Variants in LRFN5 observed in about 807,000 individuals in gnomAD.
LRFN5 encodes leucine-rich repeat and fibronectin type-III domain-containing protein 5.
In LRFN5, 24 loss-of-function variants were observed where a neutral mutation model predicts 45.6. That is an observed-to-expected ratio of 0.53 (90% confidence interval 0.38 to 0.74). LRFN5 has a LOEUF of 0.74. Ranked by LOEUF, LRFN5 falls within the 30% of genes least tolerant of loss-of-function variation. The probability of loss-of-function intolerance (pLI) is 0.00; values close to 1 mark genes in which losing one functional copy is unlikely to be tolerated. For missense variants in LRFN5, 776 were observed against 861.5 expected (o/e 0.90, Z 1.24); for synonymous variants, 340 against 313.8 (o/e 1.08, Z -0.88).
At chr14:41,631,910 G>C (rs77515601) in intron 1 of LRFN5, among the ~76,000 whole-genome samples, 1 of 152,200 alleles carries the variant, frequency 6.6e-6, no homozygotes, top group African/African-American at 2.4e-5. Context: ...CATTATGAAA[G>C]AGATGAGAAG....
intron 1 of LRFN5, among the ~76,000 whole-genome samples, chr14:41,754,225 C>CA (rs1885270881): frequency 6.6e-6 from 1 of 151,944 alleles, no homozygotes; most frequent in African/African-American, 2.4e-5. Context: ...CTAAAATTCT[C>CA]TTTTTTTGTT....
chr14:41,618,713 C>T (rs1239630528), intron 1 of LRFN5, among the ~76,000 whole-genome samples: 1 of 152,162 alleles, frequency 6.6e-6, no homozygotes, highest in Non-Finnish European at 1.5e-5. Context: ...AACTGAGACA[C>T]CTGTCTTAGG....
At chr14:41,851,701 G>A (rs1594465309) in intron 2 of LRFN5, among the ~76,000 whole-genome samples, 1 of 151,854 alleles carries the variant, frequency 6.6e-6, no homozygotes, top group East Asian at 1.9e-4. Flanking sequence ...TAAACAGGTT[G>A]GGTGGCTTAA....
intron 2 of LRFN5, among the ~76,000 whole-genome samples, chr14:41,834,369 GT>G (rs1049030544): frequency 6.6e-6 from 1 of 151,906 alleles, no homozygotes; most frequent in Non-Finnish European, 1.5e-5. Context: ...ATTTCATTTG[GT>G]TTTTTAGAGC....
At chr14:41,629,048 A>G (rs1269250331) in intron 1 of LRFN5, among the ~76,000 whole-genome samples, 2 of 152,166 alleles carry the variant, frequency 1.3e-5, no homozygotes, top group African/African-American at 4.8e-5. Context: ...ATATTTGTAG[A>G]TATTTATAGA....
chr14:41,677,260 CCACCTG>C (rs1247430279), intron 1 of LRFN5, among the ~76,000 whole-genome samples: 1 of 152,184 alleles, frequency 6.6e-6, no homozygotes, highest in East Asian at 1.9e-4. Context: ...ACAACAGCTA[CCACCTG>C]CAGGGGATGA....
rs145460468 is a variant in LRFN5, at chr14:41,768,264, A to G, written c.-21+1235A>G. On this transcript the variant is annotated intron_variant, in intron 2 of 5. Transcript: ENST00000298119. Reference sequence around the variant, plus strand: ...ATAACATTTAAAATAGGCAGCCAGTATGTTGTTGCTAGTATGCTCAAGGTG... The same window carrying G: ...ATAACATTTAAAATAGGCAGCCAGTGTGTTGTTGCTAGTATGCTCAAGGTG... Among the ~76,000 whole-genome samples the G allele has an allele frequency of 1.1e-3, 163 of 152,322 alleles. 1 individual carries two copies. The East Asian group carries it at 0.027, about 25-fold the overall frequency.
chr14:41,618,077 T>G (rs1887984450), intron 1 of LRFN5, among the ~76,000 whole-genome samples: 2 of 152,264 alleles, frequency 1.3e-5, no homozygotes, highest in African/African-American at 4.8e-5. Context: ...GACAAACTCA[T>G]TTTCTCATCT....
chr14:41,832,273 G>A (rs1377557650), intron 2 of LRFN5, among the ~76,000 whole-genome samples: 4 of 151,970 alleles, frequency 2.6e-5, no homozygotes, highest in African/African-American at 9.7e-5. Context: ...TGCCTGTATT[G>A]GGTTGTTAAC....
At chr14:41,754,855 T>C (rs1885302898) in intron 1 of LRFN5, among the ~76,000 whole-genome samples, 1 of 152,322 alleles carries the variant, frequency 6.6e-6, no homozygotes, top group African/African-American at 2.4e-5. Context: ...AATTGTGATG[T>C]TAGGGTGTCG....
At chr14:41,687,989 A>C (rs549491248) in intron 1 of LRFN5, among the ~76,000 whole-genome samples, 9 of 152,354 alleles carry the variant, frequency 5.9e-5, no homozygotes, top group African/African-American at 2.2e-4. Flanking sequence ...TTTAGCTTTT[A>C]AAAATAATGA....
At chr14:41,692,684 C>T (rs1324672899) in intron 1 of LRFN5, among the ~76,000 whole-genome samples, 1 of 151,922 alleles carries the variant, frequency 6.6e-6, no homozygotes, top group Non-Finnish European at 1.5e-5. Flanking sequence ...TTTGTCCTTG[C>T]GATAATTTGC....
At chr14:41,764,983 G>T (rs189388353) in intron 1 of LRFN5, among the ~76,000 whole-genome samples, 1 of 152,170 alleles carries the variant, frequency 6.6e-6, no homozygotes, top group East Asian at 1.9e-4. Context: ...TGGTAGATGT[G>T]CACTGTTAGA....
intron 1 of LRFN5, among the ~76,000 whole-genome samples, chr14:41,680,925 C>T (rs8006276): frequency 0.56 from 84,172 of 151,488 alleles, 25,483 homozygotes; most frequent in East Asian, 0.98. Flanking sequence ...GAGATAGAAA[C>T]AATTTAAAAG....
intron 1 of LRFN5, among the ~76,000 whole-genome samples, chr14:41,763,957 T>G (rs1392782004): frequency 2.6e-5 from 4 of 152,190 alleles, no homozygotes; most frequent in Non-Finnish European, 5.9e-5. Flanking sequence ...ATGCTAAGAA[T>G]GTAACAACTT....
At chr14:41,789,106 A>G (rs953398267) in intron 2 of LRFN5, among the ~76,000 whole-genome samples, 1 of 151,992 alleles carries the variant, frequency 6.6e-6, no homozygotes, top group Non-Finnish European at 1.5e-5. Flanking sequence ...TTCTTCCAGC[A>G]TTCTAAATTG....
chr14:41,689,307 A>G (rs867227140), intron 1 of LRFN5, among the ~76,000 whole-genome samples: 2 of 152,140 alleles, frequency 1.3e-5, no homozygotes, highest in Admixed American at 6.6e-5. Flanking sequence ...AACACAACAA[A>G]ACCAAAATTT....
At chr14:41,766,530 T>C (rs1421111891) in intron 1 of LRFN5, among the ~76,000 whole-genome samples, 1 of 151,478 alleles carries the variant, frequency 6.6e-6, no homozygotes, top group African/African-American at 2.4e-5. Context: ...ACTTATGCAC[T>C]GTTTTAACAT....
At chr14:41,839,177 C>G (rs1413851446) in intron 2 of LRFN5, among the ~76,000 whole-genome samples, 1 of 152,012 alleles carries the variant, frequency 6.6e-6, no homozygotes, top group African/African-American at 2.4e-5. Context: ...TTAGACAGTT[C>G]TATTAATTAC....
Sources: allele counts gnomAD v4.1 joint callset (sites outside exome capture counted in the v4.1 genomes callset), GRCh38; gene constraint gnomAD v4.1.1; transcripts MANE v1.5; gene names NCBI Gene and HGNC (gene_info 2026-07-23, HGNC 2026-07-21).